The following NELL1 variants were observed in gnomAD, a reference collection of about 807,000 sequenced individuals.
NELL1 encodes neural EGFL like 1.
In NELL1, 76 loss-of-function variants were observed where a neutral mutation model predicts 107.4. The ratio of observed to expected loss-of-function variants is 0.71; its 90% CI spans 0.59 to 0.86. The LOEUF (loss-of-function observed/expected upper bound fraction) is 0.86. NELL1 is among the 40% of genes least tolerant of loss of function. NELL1 has a pLI of 0.00. For missense variants in NELL1, 1,024 were observed against 1,005.5 expected, an observed-to-expected ratio of 1.02 and a Z score of -0.25; for synonymous variants, 353 against 341.2, an observed-to-expected ratio of 1.03 and a Z score of -0.38.
intron 13 of NELL1, among the ~76,000 whole-genome samples, chr11:21,205,688 C>T (rs772215297): frequency 1.3e-5 from 2 of 152,166 alleles, no homozygotes; most frequent in Admixed American, 6.5e-5. Flanking sequence ...GCAGCAAGCT[C>T]GCTGTCTGCC....
chr11:21,329,397 T>A (rs1256023364), intron 14 of NELL1, among the ~76,000 whole-genome samples: 1 of 152,174 alleles, frequency 6.6e-6, no homozygotes, highest in East Asian at 1.9e-4. Context: ...CATGCTGAAC[T>A]GTGAGTCAAT....
At chr11:21,148,797 C>T (rs1856044829) in intron 13 of NELL1, among the ~76,000 whole-genome samples, 2 of 152,102 alleles carry the variant, frequency 1.3e-5, no homozygotes, top group Admixed American at 1.3e-4. Flanking sequence ...TGAGTTGTAG[C>T]AGAAAGGTTT....
intron 12 of NELL1, among the ~76,000 whole-genome samples, chr11:21,043,481 T>A (rs1853286385): frequency 6.6e-6 from 1 of 152,154 alleles, no homozygotes; most frequent in South Asian, 2.1e-4. Context: ...TCCACCATGA[T>A]GTCCATGTAA....
At chr11:21,236,868 C>T (rs1858220790) in intron 14 of NELL1, among the ~76,000 whole-genome samples, 1 of 152,068 alleles carries the variant, frequency 6.6e-6, no homozygotes, top group South Asian at 2.1e-4. Context: ...GAAGGCCTGC[C>T]AGCCACCTGG....
At chr11:20,695,477 G>A (rs972787237) in intron 2 of NELL1, among the ~76,000 whole-genome samples, 6 of 152,156 alleles carry the variant, frequency 3.9e-5, no homozygotes, top group South Asian at 2.1e-4. Flanking sequence ...TTGATGTTTA[G>A]TTTCTTGAGG....
In NELL1 at chr11:20,859,848, G is replaced by C. The variant is rs550181664; in HGVS notation, c.506+12095G>C. 2.0e-5 allele frequency among the ~76,000 whole-genome samples: 3 copies of C among 152,160 alleles called. No individual in the cohort carries two copies. The East Asian group carries it at 5.8e-4, about 29-fold the overall frequency. On this transcript the variant is annotated intron_variant, in intron 4 of 19. Transcript: ENST00000357134. ...TGAATTCTGAGTAATTTTCATGGAT[G>C]GCAATTTTTCATGGACATTAGGTTG...
At chr11:21,248,848 G>A (rs181590808) in intron 14 of NELL1, among the ~76,000 whole-genome samples, 1 of 152,096 alleles carries the variant, frequency 6.6e-6, no homozygotes, top group Non-Finnish European at 1.5e-5. Context: ...AATCAAAGTA[G>A]GTTTGTTTTT....
intron 5 of NELL1, among the ~76,000 whole-genome samples, chr11:20,898,166 A>G (rs1849791280): frequency 6.6e-6 from 1 of 152,158 alleles, no homozygotes; most frequent in Non-Finnish European, 1.5e-5. Context: ...ACTTGGAACC[A>G]CCCCAAATGT....
At chr11:21,523,347 T>C (rs1407566785) in intron 15 of NELL1, among the ~76,000 whole-genome samples, 1 of 152,192 alleles carries the variant, frequency 6.6e-6, no homozygotes, top group African/African-American at 2.4e-5. Context: ...TAAATATACA[T>C]TTATTGTAAA....
At chr11:21,229,264 C>T (rs1565121104) in intron 13 of NELL1, 68 bp from the exon 14 acceptor site, 1 of 1,572,794 alleles carries the variant, frequency 6.4e-7, no homozygotes, top group Non-Finnish European at 8.7e-7. Context: ...ATTCCAGCTA[C>T]ATTTCCCAAT....
At chr11:20,725,039 A>C (rs1715300) in intron 2 of NELL1, among the ~76,000 whole-genome samples, 112,540 of 152,052 alleles carry the variant, frequency 0.74, 42,532 homozygotes, top group Middle Eastern at 0.84. Flanking sequence ...CTCTCATAAG[A>C]ACTCACTAAA....
chr11:21,215,212 C>T (rs1313594946), intron 13 of NELL1, among the ~76,000 whole-genome samples: 1 of 152,104 alleles, frequency 6.6e-6, no homozygotes, highest in Non-Finnish European at 1.5e-5. Flanking sequence ...GCTATTTCCC[C>T]ACCCTTTTCT....
At chr11:20,876,111 T>G (rs1447982761) in intron 4 of NELL1, among the ~76,000 whole-genome samples, 3 of 152,320 alleles carry the variant, frequency 2.0e-5, no homozygotes, top group South Asian at 2.1e-4. Flanking sequence ...CTTTTTTGTT[T>G]GCGTTTGTAT....
chr11:20,755,545 T>TTTTATTTTTTA (rs1564894973), intron 2 of NELL1, among the ~76,000 whole-genome samples: 50 of 40,514 alleles, frequency 1.2e-3, no homozygotes, highest in East Asian at 7.1e-3. Flanking sequence ...TTTTTGTTTT[T>TTTTATTTTTTA]TTTTGTTTTT....
chr11:20,841,245 G>A (rs747914731), intron 3 of NELL1, among the ~76,000 whole-genome samples: 3 of 151,588 alleles, frequency 2.0e-5, no homozygotes, highest in Admixed American at 6.6e-5. Context: ...CTGGACGTCT[G>A]CTACTTGTGT....
chr11:21,230,412 A>G (rs1282806999), intron 14 of NELL1, among the ~76,000 whole-genome samples: 3 of 152,222 alleles, frequency 2.0e-5, no homozygotes, highest in Non-Finnish European at 1.5e-5. Context: ...TGGCATTTAG[A>G]GTGTGACTTG....
intron 14 of NELL1, among the ~76,000 whole-genome samples, chr11:21,367,998 T>C (rs1037271447): frequency 6.6e-5 from 10 of 152,148 alleles, no homozygotes; most frequent in Admixed American, 6.6e-4. Context: ...AGCCTGTCCA[T>C]ATATGAATAA....
At chr11:20,754,762 GGA>G (rs1856221246) in intron 2 of NELL1, among the ~76,000 whole-genome samples, 2 of 152,122 alleles carry the variant, frequency 1.3e-5, no homozygotes, top group Admixed American at 6.5e-5. Context: ...ATAATGTAAT[GGA>G]TATAACACAA....
intron 14 of NELL1, among the ~76,000 whole-genome samples, chr11:21,275,437 C>T (rs1413996308): frequency 6.6e-6 from 1 of 152,106 alleles, no homozygotes; most frequent in African/African-American, 2.4e-5. Context: ...AAGTCCAGGA[C>T]CAGATGGATT....
Sources: allele counts gnomAD v4.1 joint callset (sites outside exome capture counted in the v4.1 genomes callset), GRCh38; gene constraint gnomAD v4.1.1; transcripts MANE v1.5; gene names NCBI Gene and HGNC (gene_info 2026-07-23, HGNC 2026-07-21).